DMD: variants seen among roughly 807,000 people sequenced by gnomAD.
The protein encoded by DMD is dystrophin, also known as mutant dystrophin.
Under a neutral mutation model 330.1 loss-of-function variants are expected in DMD, and 63 were observed. The ratio of observed to expected loss-of-function variants is 0.19; its 90% CI spans 0.16 to 0.24. The LOEUF is 0.24. Among genes scored for constraint, DMD ranks in the 10% least tolerant of loss-of-function variants. DMD has a pLI of 1.00. For missense variants in DMD, 3,344 were observed against 2,684.1 expected (o/e 1.25, Z -5.43); for synonymous variants, 1,223 against 959.8 (o/e 1.27, Z -5.07).
chrX:32,594,377 G>T (rs924134181), intron 13 of DMD, among the ~76,000 whole-genome samples: 1 of 111,294 alleles, frequency 9.0e-6, no homozygotes, highest in African/African-American at 3.3e-5. Context: ...CCAGGGCGAA[G>T]GAAGAGAAGG....
chrX:32,730,738 G>C (rs1283970193), intron 7 of DMD, among the ~76,000 whole-genome samples: 1 of 112,090 alleles, frequency 8.9e-6, no homozygotes, highest in African/African-American at 3.2e-5. Context: ...GATGAAATTA[G>C]TATTTTATTA....
intron 44 of DMD, among the ~76,000 whole-genome samples, chrX:32,096,657 A>G (rs1279205401): frequency 9.0e-6 from 1 of 111,557 alleles, no homozygotes; most frequent in Non-Finnish European, 1.9e-5. Context: ...TAGAAAATAA[A>G]CTTAAAGTAG....
intron 1 of DMD, among the ~76,000 whole-genome samples, chrX:33,333,721 AT>A (rs1221275032): frequency 1.8e-5 from 2 of 111,248 alleles, no homozygotes; most frequent in Non-Finnish European, 3.8e-5. Flanking sequence ...ATGAAAAAAA[AT>A]CCCTTCTCAT....
At chrX:31,333,059 A>G (rs764685898) in intron 61 of DMD, among the ~76,000 whole-genome samples, 3 of 111,496 alleles carry the variant, frequency 2.7e-5, no homozygotes, top group South Asian at 3.8e-4. Context: ...CTGACTCTTT[A>G]AAAAATGTTA....
intron 44 of DMD, among the ~76,000 whole-genome samples, chrX:32,012,102 C>G (rs1184461101): frequency 1.8e-5 from 2 of 112,218 alleles, no homozygotes; most frequent in African/African-American, 6.5e-5. Context: ...TGGCCATTGC[C>G]TTTTCCCTGA....
At chrX:32,836,787 T>G (rs2079676138) in intron 4 of DMD, among the ~76,000 whole-genome samples, 1 of 112,480 alleles carries the variant, frequency 8.9e-6, no homozygotes, top group Admixed American at 9.5e-5. Flanking sequence ...GTTTCTACTG[T>G]TATTAAATAA....
At chrX:32,804,355 TG>T (rs1372446778) in intron 7 of DMD, among the ~76,000 whole-genome samples, 3 of 112,205 alleles carry the variant, frequency 2.7e-5, no homozygotes, top group African/African-American at 9.7e-5. Context: ...ACAAAGTCGC[TG>T]GGAAGTTCAA....
At chrX:32,463,338 A>G (rs2098390062) in intron 25 of DMD, 101 bp downstream of exon 25, 2 of 791,429 alleles carry the variant, frequency 2.5e-6, no homozygotes, top group Non-Finnish European at 3.5e-6. Flanking sequence ...AAGCAAAAAC[A>G]TAGGAACAAA....
intron 60 of DMD, among the ~76,000 whole-genome samples, chrX:31,421,529 A>G (rs2063360672): frequency 8.9e-6 from 1 of 111,819 alleles, no homozygotes; most frequent in African/African-American, 3.3e-5. Context: ...ACAGATAAAA[A>G]GATATTCAAG....
intron 30 of DMD, among the ~76,000 whole-genome samples, chrX:32,400,081 A>G (rs1375756272): frequency 9.0e-6 from 1 of 111,470 alleles, no homozygotes; most frequent in Admixed American, 9.5e-5. Flanking sequence ...TCAGTATGAT[A>G]TTGGCTGTGG....
At chrX:32,824,090 TA>T (rs1344960832) in intron 4 of DMD, among the ~76,000 whole-genome samples, 1 of 111,799 alleles carries the variant, frequency 8.9e-6, no homozygotes, top group Admixed American at 9.5e-5. Context: ...TGGTTAAAAT[TA>T]AAAAATAGTG....
intron 2 of DMD, among the ~76,000 whole-genome samples, chrX:32,985,633 C>G (rs749213086): frequency 8.9e-6 from 1 of 111,821 alleles, no homozygotes; most frequent in South Asian, 3.7e-4. Flanking sequence ...CTATTACACT[C>G]TTCTGATTTG....
intron 51 of DMD, among the ~76,000 whole-genome samples, chrX:31,754,000 T>G (rs917038297): frequency 9.0e-6 from 1 of 111,337 alleles, no homozygotes; most frequent in Non-Finnish European, 1.9e-5. Context: ...TGATGAACAT[T>G]TCAGGTGTAT....
chrX:32,729,070 G>A (rs1481006472), intron 7 of DMD, among the ~76,000 whole-genome samples: 8 of 112,205 alleles, frequency 7.1e-5, no homozygotes, highest in African/African-American at 2.3e-4. Flanking sequence ...GTGTAAGCAA[G>A]TAAGTTCAAT....
intron 49 of DMD, among the ~76,000 whole-genome samples, chrX:31,823,106 C>T (rs904188837): frequency 4.4e-5 from 5 of 112,881 alleles, no homozygotes; most frequent in Non-Finnish European, 9.4e-5. Flanking sequence ...GCAGGACTTG[C>T]GTCAGGAATA....
chrX:33,291,476 C>A (rs1472466709), intron 1 of DMD, among the ~76,000 whole-genome samples: 1 of 111,504 alleles, frequency 9.0e-6, no homozygotes, highest in Non-Finnish European at 1.9e-5. Context: ...TTGCAGATGA[C>A]ATGGCTGCCA....
intron 34 of DMD, among the ~76,000 whole-genome samples, chrX:32,369,906 T>A (rs1479264662): frequency 9.0e-6 from 1 of 111,307 alleles, no homozygotes; most frequent in Non-Finnish European, 1.9e-5. Flanking sequence ...CAGACTTATT[T>A]TAGCTATTCC....
chrX:32,935,141 G>A lies in DMD; in HGVS notation c.93+84998C>T, dbSNP rs1037785478. On this transcript the variant is annotated intron_variant, in intron 2 of 78. Transcript: ENST00000357033. ...CTACAGGCGCCCGCCACCACGCCCC[G>A]CTAATTTCTTGTATTTTTAGTAGAG... Among the ~76,000 whole-genome samples, 3 of 112,473 alleles carry A rather than the reference G, an allele frequency of 2.7e-5. No individual in the cohort carries two copies. In the Admixed American group the frequency reaches 2.8e-4, roughly 11 times the overall value.
chrX:32,636,705 G>T (rs1238870958), intron 11 of DMD, among the ~76,000 whole-genome samples: 3 of 111,880 alleles, frequency 2.7e-5, no homozygotes, highest in African/African-American at 6.5e-5. Context: ...GGATGCAAAA[G>T]ATTCTTGGCC....
Sources: gnomAD v4.1 joint callset for allele counts (sites outside exome capture counted in the v4.1 genomes callset) on GRCh38, gnomAD v4.1.1 for gene constraint, MANE v1.5 for transcripts, NCBI Gene and HGNC (gene_info 2026-07-23, HGNC 2026-07-21) for gene names.